Variants in RBFOX1 observed in about 807,000 individuals in gnomAD.
RBFOX1 encodes the protein RNA binding fox-1 homolog 1.
Under a neutral mutation model 57.7 loss-of-function variants are expected in RBFOX1, and 8 were observed. The observed-to-expected ratio is 0.14, with a 90% CI of 0.08 to 0.25. The LOEUF (loss-of-function observed/expected upper bound fraction) is 0.25. Among genes scored for constraint, RBFOX1 ranks in the 10% least tolerant of loss-of-function variants. RBFOX1 has a pLI of 1.00. For synonymous variants in RBFOX1, 326 were observed against 222.4 expected (o/e 1.47, Z -4.15); for missense variants, 611 against 548.5 (o/e 1.11, Z -1.14).
At chr16:5,938,361 G>A (rs1200359475) in intron 4 of RBFOX1, among the ~76,000 whole-genome samples, 2 of 152,052 alleles carry the variant, frequency 1.3e-5, no homozygotes, top group Admixed American at 6.6e-5. Context: ...TTCAATTTTG[G>A]CCCTATTTCA....
Position 7,566,404 on chromosome 16 carries a change from C to T in RBFOX1, c.271-13373C>T, listed in dbSNP as rs573457828. Among the ~76,000 whole-genome samples the T allele has an allele frequency of 6.6e-4, 100 of 152,240 alleles. 1 individual carries two copies. Among genetic ancestry groups the T allele is most frequent in the African/African-American group, 2.0e-3 (84 of 41,550 alleles). On this transcript the variant is annotated intron_variant, in intron 5 of 15. Coordinates refer to ENST00000550418, the MANE Select transcript of RBFOX1 (RefSeq NM_018723.4). ...CTATATGTACTTTGCAGCTGCTCTACGTGCCTGCTCTTAGACTTTCCAGAG... is the reference window on the plus strand; with the variant it reads ...CTATATGTACTTTGCAGCTGCTCTATGTGCCTGCTCTTAGACTTTCCAGAG...
At chr16:6,473,868 C>T (rs922536529) in intron 2 of RBFOX1, among the ~76,000 whole-genome samples, 15 of 152,078 alleles carry the variant, frequency 9.9e-5, no homozygotes, top group African/African-American at 2.9e-4. Context: ...CTGATTGGTC[C>T]GAAGTTGGAG....
At chr16:7,202,642 A>G (rs982674074) in intron 4 of RBFOX1, among the ~76,000 whole-genome samples, 1 of 151,926 alleles carries the variant, frequency 6.6e-6, no homozygotes, top group South Asian at 2.1e-4. Flanking sequence ...CCTGAGCTCG[A>G]CCTCCTGTCA....
At chr16:5,589,408 A>C (rs1460512802) in intron 2 of RBFOX1, among the ~76,000 whole-genome samples, 3 of 152,090 alleles carry the variant, frequency 2.0e-5, no homozygotes, top group Non-Finnish European at 4.4e-5. Flanking sequence ...AATCCAATTT[A>C]CTCACCCAAA....
chr16:6,628,491 A>G (rs1472562816), intron 2 of RBFOX1, among the ~76,000 whole-genome samples: 2 of 152,298 alleles, frequency 1.3e-5, no homozygotes, highest in Non-Finnish European at 2.9e-5. Context: ...AGATGTTACA[A>G]TTCACATTTT....
At chr16:5,544,505 TCAA>T (rs1363896319) in intron 2 of RBFOX1, among the ~76,000 whole-genome samples, 1 of 151,196 alleles carries the variant, frequency 6.6e-6, no homozygotes, top group African/African-American at 2.4e-5. Context: ...AAGAACAAAA[TCAA>T]CACAAAGTAA....
At chr16:6,907,957 G>T (rs933402753) in intron 3 of RBFOX1, among the ~76,000 whole-genome samples, 1 of 151,612 alleles carries the variant, frequency 6.6e-6, no homozygotes. Context: ...TTTACATAGA[G>T]TTCTCCCCGT....
chr16:5,765,339 C>T (rs1259592521), intron 3 of RBFOX1, among the ~76,000 whole-genome samples: 1 of 152,100 alleles, frequency 6.6e-6, no homozygotes, highest in Non-Finnish European at 1.5e-5. Flanking sequence ...CCAATTGTTT[C>T]CCAAGGGAAA....
In RBFOX1 at chr16:6,917,641, A is replaced by G. The variant is rs559576100; in HGVS notation, c.-15-134416A>G. ...CTTCTACACCGAAGTGGGAGTTAAG[A>G]TGTTCCAGATACCATTTGCTGTTTT... On this transcript the variant is annotated intron_variant, in intron 3 of 15. Transcript: ENST00000550418. Among the ~76,000 whole-genome samples the G allele has an allele frequency of 3.9e-5, 6 of 152,264 alleles. No individual in the cohort carries two copies. In the East Asian group the frequency reaches 1.2e-3, roughly 29 times the overall value.
intron 2 of RBFOX1, among the ~76,000 whole-genome samples, chr16:6,537,369 T>C (rs1160667417): frequency 6.6e-6 from 1 of 152,182 alleles, no homozygotes; most frequent in African/African-American, 2.4e-5. Context: ...AGCTTACAAT[T>C]ATGGATGAAT....
At chr16:6,882,013 A>G (rs1354020333) in intron 3 of RBFOX1, among the ~76,000 whole-genome samples, 1 of 152,168 alleles carries the variant, frequency 6.6e-6, no homozygotes, top group Non-Finnish European at 1.5e-5. Context: ...AACTAAAATC[A>G]CCAAAGACTC....
intron 2 of RBFOX1, among the ~76,000 whole-genome samples, chr16:5,473,209 A>G (rs2069198174): frequency 6.6e-6 from 1 of 152,168 alleles, no homozygotes; most frequent in Non-Finnish European, 1.5e-5. Flanking sequence ...TCTTCCCACA[A>G]AAATATATGC....
At chr16:6,148,127 G>A (rs561814968) in intron 1 of RBFOX1, among the ~76,000 whole-genome samples, 1 of 152,170 alleles carries the variant, frequency 6.6e-6, no homozygotes, top group African/African-American at 2.4e-5. Flanking sequence ...TCAGGAGTTC[G>A]ACACCAGCCC....
At chr16:7,508,442 G>A (rs989389976) in intron 4 of RBFOX1, among the ~76,000 whole-genome samples, 9 of 152,170 alleles carry the variant, frequency 5.9e-5, no homozygotes, top group Non-Finnish European at 4.4e-5. Context: ...TTGTGCGAAT[G>A]GCTGCTGTCC....
intron 2 of RBFOX1, among the ~76,000 whole-genome samples, chr16:6,369,795 T>G (rs1159552130): frequency 6.6e-6 from 1 of 152,198 alleles, no homozygotes; most frequent in Non-Finnish European, 1.5e-5. Context: ...CTTTGAATAC[T>G]TCAGTGTGTT....
intron 4 of RBFOX1, among the ~76,000 whole-genome samples, chr16:7,208,285 A>G (rs1467670376): frequency 1.3e-5 from 2 of 152,170 alleles, no homozygotes; most frequent in South Asian, 2.1e-4. Context: ...ATGTGACTGT[A>G]TTTGGAGACA....
At chr16:6,621,810 C>G (rs17720936) in intron 2 of RBFOX1, among the ~76,000 whole-genome samples, 4,588 of 152,230 alleles carry the variant, frequency 0.03, 99 homozygotes, top group Middle Eastern at 0.051. Flanking sequence ...AAGAACATAC[C>G]ATTTAAAGAC....
rs138349525 is a variant in RBFOX1 at position 6,554,423 on chromosome 16, G to A, written c.-63-100180G>A. ...CAAATGTGCACGAGGCTTCCCTCCC[G>A]GGGTAATAAAAAAAAAGTTCTAAAA... On this transcript the variant is annotated intron_variant, in intron 2 of 15. Coordinates refer to ENST00000550418, the MANE Select transcript of RBFOX1 (RefSeq NM_018723.4). 3.0e-4 allele frequency among the ~76,000 whole-genome samples: 45 copies of A among 151,982 alleles called. No homozygotes were observed. The East Asian group carries it at 7.2e-3, about 24-fold the overall frequency.
intron 3 of RBFOX1, among the ~76,000 whole-genome samples, chr16:6,812,250 G>A (rs1218525811): frequency 1.3e-5 from 2 of 152,178 alleles, no homozygotes; most frequent in Non-Finnish European, 2.9e-5. Context: ...GTTTTGTTAA[G>A]AAATTTGTTC....
Sources: gnomAD v4.1 joint callset for allele counts (sites outside exome capture counted in the v4.1 genomes callset) on GRCh38, gnomAD v4.1.1 for gene constraint, MANE v1.5 for transcripts, NCBI Gene and HGNC (gene_info 2026-07-23, HGNC 2026-07-21) for gene names.